TCF4: variants seen among roughly 807,000 people sequenced by gnomAD.
TCF4 encodes the protein transcription factor 4, also known as SL3-3 enhancer factor 2.
In TCF4, 3 loss-of-function variants were observed where a neutral mutation model predicts 82.1. That is an observed-to-expected ratio of 0.04 (90% CI 0.02 to 0.09). The LOEUF (loss-of-function observed/expected upper bound fraction) is 0.09, where lower values mean the gene tolerates loss of function less well. TCF4 is among the 10% of genes least tolerant of loss of function. The probability of loss-of-function intolerance (pLI) is 1.00; values close to 1 mark genes in which losing one functional copy is unlikely to be tolerated. For synonymous variants in TCF4, 276 were observed against 309.6 expected, an observed-to-expected ratio of 0.89 and a Z score of 1.14; for missense variants, 518 against 852.7, an observed-to-expected ratio of 0.61 and a Z score of 4.89.
At chr18:55,481,115 A>AT (rs1230756150) in intron 3 of TCF4, among the ~76,000 whole-genome samples, 6 of 151,688 alleles carry the variant, frequency 4.0e-5, no homozygotes, top group Admixed American at 6.6e-5. Context: ...AAAAAAAAAA[A>AT]AAAAAAAAAA....
chr18:55,565,859 A>G (rs997970671), intron 3 of TCF4, among the ~76,000 whole-genome samples: 11 of 152,162 alleles, frequency 7.2e-5, no homozygotes, highest in Admixed American at 2.6e-4. Flanking sequence ...CCAGACATAG[A>G]AAGGCAAATA....
intron 8 of TCF4, among the ~76,000 whole-genome samples, chr18:55,319,995 G>C (rs1000009211): frequency 2.6e-5 from 4 of 151,992 alleles, no homozygotes; most frequent in Non-Finnish European, 4.4e-5. Flanking sequence ...TTACGGATAA[G>C]GGCTATCTAA....
chr18:55,371,427 A>G, intron 6 of TCF4, among the ~76,000 whole-genome samples: 1 of 152,226 alleles, frequency 6.6e-6, no homozygotes, highest in East Asian at 1.9e-4. Context: ...GACAGGAGAC[A>G]TTCACTGTAC....
intron 15 of TCF4, among the ~76,000 whole-genome samples, chr18:55,249,279 T>A (rs2145280854): frequency 6.6e-6 from 1 of 152,324 alleles, no homozygotes; most frequent in South Asian, 2.1e-4. Flanking sequence ...AATAAAAAGA[T>A]ACCACTTTTC....
intron 8 of TCF4, among the ~76,000 whole-genome samples, chr18:55,319,746 C>T (rs1243264734): frequency 6.6e-6 from 1 of 151,590 alleles, no homozygotes; most frequent in Non-Finnish European, 1.5e-5. Flanking sequence ...GATATGATGT[C>T]ATATTCAGCA....
chr18:55,568,177 A>AC, intron 3 of TCF4, among the ~76,000 whole-genome samples: 1 of 151,620 alleles, frequency 6.6e-6, no homozygotes, highest in African/African-American at 2.4e-5. Context: ...AAAAAAAAAA[A>AC]AACAGAATAA....
At chr18:55,312,332 T>C (rs1602263364) in intron 8 of TCF4, among the ~76,000 whole-genome samples, 2 of 152,260 alleles carry the variant, frequency 1.3e-5, no homozygotes, top group East Asian at 3.9e-4. Flanking sequence ...ATCTTCAACA[T>C]GAAGATTAAA....
In TCF4 at chr18:55,275,779, T is replaced by C. The variant is rs766565467; in HGVS notation, c.656-27A>G. 11 of 1,613,534 alleles carry C rather than the reference T, an allele frequency of 6.8e-6. No individual in the cohort carries two copies. The East Asian group carries it at 2.2e-4, about 33-fold the overall frequency. ...TGTAAAGGACAAAGACAACCATGAC[T>C]TTCTGAGGCATTCAGCCTTGCCTTA... is the stretch of plus-strand genomic sequence containing the variant. On this transcript the variant is annotated intron_variant, in intron 9 of 19. Transcript: ENST00000354452.
intron 6 of TCF4, among the ~76,000 whole-genome samples, chr18:55,384,447 C>A (rs2092391028): frequency 6.6e-6 from 1 of 152,196 alleles, no homozygotes; most frequent in South Asian, 2.1e-4. Flanking sequence ...CCAGTGTCAT[C>A]AGTACTGTGA....
intron 8 of TCF4, among the ~76,000 whole-genome samples, chr18:55,293,977 T>C (rs943662430): frequency 5.7e-5 from 8 of 139,596 alleles, no homozygotes; most frequent in African/African-American, 2.1e-4. Context: ...ATTCATATCT[T>C]GGCCAGGCAT....
chr18:55,508,876 A>G (rs986943334), intron 3 of TCF4, among the ~76,000 whole-genome samples: 1 of 152,348 alleles, frequency 6.6e-6, no homozygotes, highest in Non-Finnish European at 1.5e-5. Flanking sequence ...GCTTACTTTT[A>G]GAAATTATGT....
At chr18:55,439,028 T>TG (rs1268586535) in intron 5 of TCF4, among the ~76,000 whole-genome samples, 1 of 152,006 alleles carries the variant, frequency 6.6e-6, no homozygotes, top group Non-Finnish European at 1.5e-5. Context: ...AGATGGGAGT[T>TG]ATCAGCCTGG....
intron 9 of TCF4, among the ~76,000 whole-genome samples, chr18:55,278,723 C>T (rs1056103655): frequency 2.0e-5 from 3 of 152,138 alleles, no homozygotes; most frequent in African/African-American, 7.2e-5. Context: ...TGCCCACCAC[C>T]ACGCCTGGCT....
At chr18:55,380,062 G>A (rs2091616749) in intron 6 of TCF4, among the ~76,000 whole-genome samples, 2 of 151,896 alleles carry the variant, frequency 1.3e-5, no homozygotes, top group Non-Finnish European at 2.9e-5. Context: ...CTTTTTTTCA[G>A]TAGAGACAGG....
At chr18:55,582,056 C>G (rs1036062497) in intron 3 of TCF4, among the ~76,000 whole-genome samples, 1 of 152,046 alleles carries the variant, frequency 6.6e-6, no homozygotes, top group Non-Finnish European at 1.5e-5. Context: ...AACTTTAAAA[C>G]GACTTTTTAA....
chr18:55,431,028 A>T (rs1460698277), intron 5 of TCF4, among the ~76,000 whole-genome samples: 4 of 152,322 alleles, frequency 2.6e-5, no homozygotes, highest in East Asian at 1.9e-4. Context: ...GATGAAAGAA[A>T]ATAGAGTTAT....
At chr18:55,301,158 G>A (rs1368908564) in intron 8 of TCF4, among the ~76,000 whole-genome samples, 1 of 152,022 alleles carries the variant, frequency 6.6e-6, no homozygotes, top group Non-Finnish European at 1.5e-5. Context: ...CCCCAATCCC[G>A]TATCTGCTGC....
At chr18:55,570,835 T>G (rs979241463) in intron 3 of TCF4, among the ~76,000 whole-genome samples, 1 of 149,650 alleles carries the variant, frequency 6.7e-6, no homozygotes, top group African/African-American at 2.5e-5. Context: ...TGAGCCGAGG[T>G]TGCAAAACTG....
intron 8 of TCF4, among the ~76,000 whole-genome samples, chr18:55,285,233 G>C (rs79939930): frequency 6.6e-6 from 1 of 152,298 alleles, no homozygotes; most frequent in Non-Finnish European, 1.5e-5. Flanking sequence ...CCCAGCTCTG[G>C]AGTCTGACCA....
Sources: allele counts gnomAD v4.1 joint callset (sites outside exome capture counted in the v4.1 genomes callset), GRCh38; gene constraint gnomAD v4.1.1; transcripts MANE v1.5; gene names NCBI Gene and HGNC (gene_info 2026-07-23, HGNC 2026-07-21).